The following WDR62 variants were observed in gnomAD, a reference collection of about 807,000 sequenced individuals.
WDR62 encodes the protein WD repeat-containing protein 62.
A neutral mutation model predicts 160.6 loss-of-function variants in WDR62; 112 were observed. The ratio of observed to expected loss-of-function variants is 0.70; its 90% CI spans 0.60 to 0.82. The LOEUF (loss-of-function observed/expected upper bound fraction) is 0.82. Ranked by LOEUF, WDR62 falls within the 40% of genes least tolerant of loss-of-function variation. The pLI, the probability that WDR62 is intolerant of heterozygous loss-of-function variation, is 0.00. For missense variants in WDR62, 1,819 were observed against 1,983.8 expected, an observed-to-expected ratio of 0.92 and a Z score of 1.58; for synonymous variants, 792 against 815.1, an observed-to-expected ratio of 0.97 and a Z score of 0.48.
intron 1 of WDR62, among the ~76,000 whole-genome samples, chr19:36,056,126 A>C (rs1367267729): frequency 2.0e-5 from 3 of 152,182 alleles, no homozygotes; most frequent in African/African-American, 7.2e-5. Context: ...AGGTCATGCC[A>C]CTGCACTCCA....
chr19:36,087,200 C>G (rs1021408711), intron 13 of WDR62, among the ~76,000 whole-genome samples: 1 of 150,458 alleles, frequency 6.6e-6, no homozygotes, highest in African/African-American at 2.4e-5. Flanking sequence ...AGAGTGAGAC[C>G]CTGTCTCAAA....
downstream of WDR62, among the ~76,000 whole-genome samples, chr19:36,108,717 G>A (rs1277234609): frequency 6.6e-6 from 1 of 152,004 alleles, no homozygotes; most frequent in Non-Finnish European, 1.5e-5. Flanking sequence ...AGCTAGGTGT[G>A]GTGGTGCACG....
Position 36,102,970 on chromosome 19 carries a change from C to T in WDR62, c.3358C>T (p.Arg1120Trp), listed in dbSNP as rs748691163. Residue 1120 changes from arginine to tryptophan, a missense_variant, in exon 28 of 32, where the codon CGG (arginine) becomes TGG (tryptophan). Arg to Trp is a moderately radical substitution (Grantham distance 101). Coordinates refer to ENST00000401500, the MANE Select transcript of WDR62 (RefSeq NM_001083961.2). ...ASRFTHTFPP[R>W]ATQCLVKSPE... The stretch of plus-strand genomic sequence containing the variant: ...CAGGTTCACCCATACCTTCCCTCCC[C>T]GGGCAACCCAGTGCCTTGTGAAGTC... 2.3e-5 allele frequency: 37 copies of T among 1,614,150 alleles called. No individual in the cohort carries two copies. Among genetic ancestry groups the T allele is most frequent in the South Asian group, 5.5e-5 (5 of 91,078 alleles).
intron 20 of WDR62, among the ~76,000 whole-genome samples, chr19:36,095,638 AC>A (rs1972913080): frequency 6.6e-6 from 1 of 152,256 alleles, no homozygotes; most frequent in African/African-American, 2.4e-5. Flanking sequence ...TGCTAAAAAT[AC>A]AAAAATTAGC....
Position 36,100,807 on chromosome 19 carries a change from A to C in WDR62, c.2799A>C (p.Glu933Asp). 1 of 1,614,226 alleles carries C rather than the reference A, an allele frequency of 6.2e-7. No homozygotes were observed. Among genetic ancestry groups the C allele is most frequent in the Non-Finnish European group, 8.5e-7 (1 of 1,180,020 alleles). Residue 933 changes from glutamate (E) to aspartate (D), a missense_variant, in exon 23 of 32, where the codon GAA (glutamate) becomes GAC (aspartate). Coordinates refer to ENST00000401500, the MANE Select transcript of WDR62 (RefSeq NM_001083961.2). ...CCTCCTTCCTGCCCCAGCAGAAGGA[A>C]TCATCTGAGGCCAGTGAGCTCATCC... ...GHPSFLPQQK[E>D]SSEASELILY...
chr19:36,080,392 G>A (rs1343064254), intron 9 of WDR62, among the ~76,000 whole-genome samples: 1 of 151,924 alleles, frequency 6.6e-6, no homozygotes, highest in African/African-American at 2.4e-5. Flanking sequence ...GGGATTACAG[G>A]CGGGAGCCAC....
intron 1 of WDR62, among the ~76,000 whole-genome samples, chr19:36,056,400 G>A (rs945781089): frequency 1.3e-5 from 2 of 152,150 alleles, no homozygotes; most frequent in Non-Finnish European, 2.9e-5. Context: ...ACACTGGCCT[G>A]CTTTTGGTTT....
At chr19:36,101,071 G>T in intron 23 of WDR62, 143 bp from the exon 24 acceptor site, 1 of 1,161,368 alleles carries the variant, frequency 8.6e-7, no homozygotes, top group South Asian at 1.3e-5. Flanking sequence ...GGGGAAGGAG[G>T]GGGCATTTGG....
At chr19:36,105,195 CTCGTG>C (rs1330572081), downstream of WDR62, 17 of 864,520 alleles carry the variant, frequency 2.0e-5, no homozygotes, top group Non-Finnish European at 3.0e-5. Flanking sequence ...GCCCAGAGGA[CTCGTG>C]TCTGTCAGTG....
rs1453286546 is a variant in WDR62, at chr19:36,101,261, G to T, written c.2915G>T (p.Gly972Val). 6.2e-7 allele frequency: 1 copy of T among 1,613,146 alleles called. No individual in the cohort carries two copies. The highest frequency in any genetic ancestry group is 1.3e-5 in the African/African-American group (1 of 74,918). ...EVEAGPGDQQ[G>V]DSYLRVSSDS... ...GAGGCCGGGCCTGGAGACCAGCAGGGCGACTCCTACCTCAGGGTGTCCTCC... is the reference window on the plus strand; with the variant it reads ...GAGGCCGGGCCTGGAGACCAGCAGGTCGACTCCTACCTCAGGGTGTCCTCC... Residue 972 changes from glycine (G) to valine (V), a missense_variant, in exon 24 of 32, where the codon GGC becomes GTC. Around this residue, in one of 3 missense-constraint regions of WDR62, gnomAD observed 770 missense variants for 734.2 expected, o/e 1.05. Coordinates refer to ENST00000401500, the MANE Select transcript of WDR62 (RefSeq NM_001083961.2).
chr19:36,107,428 G>T (rs1035920261), downstream of WDR62, among the ~76,000 whole-genome samples: 13 of 152,226 alleles, frequency 8.5e-5, no homozygotes, highest in African/African-American at 2.9e-4. Flanking sequence ...GCTCACAGAG[G>T]GTGACAGCAG....
At chr19:36,088,129 G>C (rs1972365045) in intron 13 of WDR62, among the ~76,000 whole-genome samples, 1 of 152,072 alleles carries the variant, frequency 6.6e-6, no homozygotes. Context: ...TGTCAGGCCT[G>C]GACCCTCTCA....
chr19:36,106,006 C>T (rs1214152383), downstream of WDR62, among the ~76,000 whole-genome samples: 3 of 152,116 alleles, frequency 2.0e-5, no homozygotes, highest in East Asian at 1.9e-4. Context: ...GCCAAAACCC[C>T]GTCTCTTTAA....
At chr19:36,060,287 T>A in intron 3 of WDR62, 1 of 535,986 alleles carries the variant, frequency 1.9e-6, no homozygotes, top group South Asian at 2.2e-5. Flanking sequence ...TCATGATCAG[T>A]GCTATGGAGG....
the WDR62 span, among the ~76,000 whole-genome samples, chr19:36,110,322 T>C: frequency 6.6e-6 from 1 of 151,920 alleles, no homozygotes; most frequent in Admixed American, 6.6e-5. Flanking sequence ...AATACAAAAA[T>C]TAGCCCGGTG....
intron 7 of WDR62, chr19:36,070,792 G>A (rs534422926): frequency 2.6e-5 from 4 of 152,208 alleles, no homozygotes; most frequent in Non-Finnish European, 5.9e-5. Flanking sequence ...TCCTTAAACT[G>A]TATCTAGAGG....
In WDR62 at chr19:36,071,912, A is replaced by T. The variant is rs141782374; in HGVS notation, c.1043+196A>T. On this transcript the variant is annotated intron_variant, in intron 8 of 31. Transcript: ENST00000401500. ...CTCACAGTGAGAAGTGAGGCTGGGT[A>T]GGGGGAAGAAACAGTGAGAAAACAA... is the stretch of plus-strand genomic sequence containing the variant. Among the ~76,000 whole-genome samples the T allele has an allele frequency of 2.6e-3, 398 of 152,326 alleles. 1 individual carries two copies. Among genetic ancestry groups the T allele is most frequent in the Admixed American group, 4.5e-3 (69 of 15,304 alleles).
chr19:36,090,648 G>A, intron 16 of WDR62, 128 bp downstream of exon 16: 1 of 854,426 alleles, frequency 1.2e-6, no homozygotes, highest in African/African-American at 1.7e-5. Context: ...TCTCAGGCCT[G>A]GTTAAACAAG....
At chr19:36,066,561 T>G in intron 5 of WDR62, 134 bp downstream of exon 5, 2 of 942,702 alleles carry the variant, frequency 2.1e-6, no homozygotes, top group Non-Finnish European at 3.3e-6. Context: ...ATTGAGCACC[T>G]GTGACATGCT....
Sources: gnomAD v4.1 joint callset for allele counts (sites outside exome capture counted in the v4.1 genomes callset) on GRCh38, gnomAD v4.1.1 for gene constraint, gnomAD v4.1.1 regional missense constraint, MANE v1.5 for transcripts, NCBI Gene and HGNC (gene_info 2026-07-23, HGNC 2026-07-21) for gene names.